The following RIMS1 variants were observed in gnomAD, a reference collection of about 807,000 sequenced individuals.
RIMS1 encodes the protein regulating synaptic membrane exocytosis protein 1.
A neutral mutation model predicts 214.1 loss-of-function variants in RIMS1; 83 were observed. The observed-to-expected ratio is 0.39, with a 90% CI of 0.32 to 0.47. The LOEUF is 0.47. RIMS1 is among the 20% of genes least tolerant of loss of function. The probability of loss-of-function intolerance (pLI) is 0.99; values close to 1 mark genes in which losing one functional copy is unlikely to be tolerated. For missense variants in RIMS1, 2,050 were observed against 2,161.8 expected, an observed-to-expected ratio of 0.95 and a Z score of 1.03; for synonymous variants, 793 against 786.8, an observed-to-expected ratio of 1.01 and a Z score of -0.13.
In RIMS1 at chr6:71,990,432, G is replaced by A. The variant is rs186815057; in HGVS notation, c.245+21369G>A. Among the ~76,000 whole-genome samples, 561 of 152,206 alleles carry A rather than the reference G, an allele frequency of 3.7e-3. 3 individuals carry two copies. Among genetic ancestry groups the A allele is most frequent in the Non-Finnish European group, 6.5e-3 (444 of 68,014 alleles). On this transcript the variant is annotated intron_variant, in intron 2 of 33. Coordinates refer to ENST00000521978, the MANE Select transcript of RIMS1 (RefSeq NM_014989.7). ...CTTAATTTGTTTCATTAAACAAATT[G>A]AATTAAAGATAATTAAATAAATACA... is the stretch of plus-strand genomic sequence containing the variant.
chr6:72,233,921 G>GA, intron 7 of RIMS1, 81 bp downstream of exon 7: 2 of 879,466 alleles, frequency 2.3e-6, no homozygotes, highest in Non-Finnish European at 3.7e-6. Flanking sequence ...TGTGATATCT[G>GA]CTCTATTATT....
chr6:72,151,129 G>A (rs1436450882), intron 4 of RIMS1, among the ~76,000 whole-genome samples: 5 of 151,962 alleles, frequency 3.3e-5, no homozygotes, highest in East Asian at 1.9e-4. Flanking sequence ...TGCACGCTCC[G>A]CCTCCCAGGT....
intron 1 of RIMS1, among the ~76,000 whole-genome samples, chr6:71,890,570 TAAAAA>T (rs3076604): frequency 7.4e-5 from 6 of 81,528 alleles, no homozygotes; most frequent in South Asian, 3.7e-4. Flanking sequence ...CTCCTTTTTG[TAAAAA>T]AAAAAAAAAA....
At chr6:72,222,617 C>T (rs776362760) in intron 6 of RIMS1, among the ~76,000 whole-genome samples, 4 of 151,984 alleles carry the variant, frequency 2.6e-5, no homozygotes, top group Non-Finnish European at 5.9e-5. Flanking sequence ...CTGAGTTTTT[C>T]GATGTGCCAG....
intron 29 of RIMS1, among the ~76,000 whole-genome samples, chr6:72,389,092 G>A (rs772042482): frequency 5.3e-5 from 8 of 152,144 alleles, no homozygotes; most frequent in Non-Finnish European, 1.0e-4. Context: ...CTGAGGTCTA[G>A]GGATTGTCTA....
chr6:72,148,520 C>A (rs1273769040), intron 4 of RIMS1: 1 of 450,054 alleles, frequency 2.2e-6, no homozygotes, highest in Non-Finnish European at 4.5e-6. Flanking sequence ...ATTATTTGCA[C>A]TCACCTAATG....
At chr6:72,253,540 CTAA>C (rs772348197) in intron 16 of RIMS1, among the ~76,000 whole-genome samples, 1 of 151,782 alleles carries the variant, frequency 6.6e-6, no homozygotes, top group Non-Finnish European at 1.5e-5. Context: ...TAAAAATTTA[CTAA>C]TGAGAGGAGA....
At chr6:71,888,490 AC>A (rs1768547653) in intron 1 of RIMS1, among the ~76,000 whole-genome samples, 1 of 151,970 alleles carries the variant, frequency 6.6e-6, no homozygotes. Context: ...CCTCTCCCCC[AC>A]CCCCTAGAAG....
At chr6:72,398,612 T>C (rs1192043905) in intron 32 of RIMS1, among the ~76,000 whole-genome samples, 2 of 149,334 alleles carry the variant, frequency 1.3e-5, no homozygotes, top group African/African-American at 4.8e-5. Flanking sequence ...TGTCAATTAT[T>C]TTCTTTTTGC....
At chr6:72,330,053 G>A (rs1465723104) in intron 28 of RIMS1, among the ~76,000 whole-genome samples, 3 of 151,800 alleles carry the variant, frequency 2.0e-5, no homozygotes, top group Non-Finnish European at 4.4e-5. Context: ...TAGGCCAAAG[G>A]GCTGGGCATT....
At chr6:72,169,275 T>G (rs537231842) in intron 4 of RIMS1, among the ~76,000 whole-genome samples, 3 of 152,360 alleles carry the variant, frequency 2.0e-5, no homozygotes, top group African/African-American at 7.2e-5. Flanking sequence ...CTAATAGGCA[T>G]GCATAATGCA....
intron 29 of RIMS1, among the ~76,000 whole-genome samples, chr6:72,385,364 A>G (rs578070502): frequency 1.4e-4 from 22 of 152,234 alleles, no homozygotes; most frequent in Non-Finnish European, 3.1e-4. Context: ...AGATGCAGAT[A>G]ATTATACATT....
intron 29 of RIMS1, among the ~76,000 whole-genome samples, chr6:72,337,408 CAT>C (rs2096879183): frequency 1.3e-5 from 2 of 151,672 alleles, no homozygotes; most frequent in Non-Finnish European, 1.5e-5. Context: ...TAATCAGTAT[CAT>C]AAGAATGATA....
chr6:71,926,121 A>T (rs1207807167), intron 1 of RIMS1, among the ~76,000 whole-genome samples: 1 of 152,138 alleles, frequency 6.6e-6, no homozygotes, highest in East Asian at 1.9e-4. Flanking sequence ...GCTGGAGTGC[A>T]GGGGTTTCAC....
chr6:71,905,075 C>A (rs1774850751), intron 1 of RIMS1, among the ~76,000 whole-genome samples: 1 of 152,044 alleles, frequency 6.6e-6, no homozygotes, highest in African/African-American at 2.4e-5. Context: ...GGCATATGGT[C>A]TTTGGAAAAT....
At chr6:72,266,288 T>A (rs1408353853) in intron 22 of RIMS1, 2 of 536,952 alleles carry the variant, frequency 3.7e-6, no homozygotes, top group Admixed American at 6.1e-5. Flanking sequence ...TGGTGTAATT[T>A]GTAACTGCTT....
chr6:72,392,883 A>G (rs1265136521), intron 31 of RIMS1, 73 bp downstream of exon 31: 11 of 1,042,872 alleles, frequency 1.1e-5, no homozygotes, highest in East Asian at 2.4e-5. Context: ...AATATTTAAA[A>G]TTGTGTAATA....
At chr6:72,005,252 C>A (rs1024142514) in intron 2 of RIMS1, among the ~76,000 whole-genome samples, 11 of 152,216 alleles carry the variant, frequency 7.2e-5, no homozygotes, top group Admixed American at 1.3e-4. Flanking sequence ...GCAACAGTAG[C>A]ATGCTGTTTT....
chr6:72,348,193 C>G (rs2097329795), intron 29 of RIMS1, among the ~76,000 whole-genome samples: 1 of 151,828 alleles, frequency 6.6e-6, no homozygotes, highest in Admixed American at 6.6e-5. Context: ...TAAGTTGTAA[C>G]AAGTACAGTT....
Sources: gnomAD v4.1 joint callset for allele counts (sites outside exome capture counted in the v4.1 genomes callset) on GRCh38, gnomAD v4.1.1 for gene constraint, MANE v1.5 for transcripts, NCBI Gene and HGNC (gene_info 2026-07-23, HGNC 2026-07-21) for gene names.